Variants in SCHIP1 observed in about 807,000 individuals in gnomAD.
The protein encoded by SCHIP1 is schwannomin interacting protein 1.
A neutral mutation model predicts 29.7 loss-of-function variants in SCHIP1; 8 were observed. The ratio of observed to expected loss-of-function variants is 0.27; its 90% CI spans 0.16 to 0.49. The LOEUF (loss-of-function observed/expected upper bound fraction) is 0.49, where lower values mean the gene tolerates loss of function less well. Among genes scored for constraint, SCHIP1 ranks in the 20% least tolerant of loss-of-function variants. The pLI, the probability that SCHIP1 is intolerant of heterozygous loss-of-function variation, is 0.99. For missense variants in SCHIP1, 193 were observed against 294.6 expected (o/e 0.66, Z 2.52); for synonymous variants, 76 against 94.9 (o/e 0.80, Z 1.16).
chr3:159,739,547 G>A, the SCHIP1 span, among the ~76,000 whole-genome samples: 1 of 152,136 alleles, frequency 6.6e-6, no homozygotes, highest in African/African-American at 2.4e-5. Flanking sequence ...CTTTTTCCTT[G>A]AGAGATTTTT....
At chr3:159,711,868 G>T in the SCHIP1 span, among the ~76,000 whole-genome samples, 1 of 152,200 alleles carries the variant, frequency 6.6e-6, no homozygotes, top group Admixed American at 6.5e-5. Context: ...CTCTGCCTGA[G>T]TCAGAGGACC....
the SCHIP1 span, among the ~76,000 whole-genome samples, chr3:159,714,426 C>T: frequency 8.5e-5 from 13 of 152,128 alleles, no homozygotes; most frequent in Admixed American, 2.6e-4. Context: ...GACCGTAAGC[C>T]GAAGCAGGGC....
At chr3:159,691,760 C>T in the SCHIP1 span, among the ~76,000 whole-genome samples, 1 of 152,152 alleles carries the variant, frequency 6.6e-6, no homozygotes, top group Non-Finnish European at 1.5e-5. Context: ...CACATATTTA[C>T]TGCTTCCTTC....
chr3:159,530,107 A>C, the SCHIP1 span, among the ~76,000 whole-genome samples: 5 of 152,172 alleles, frequency 3.3e-5, no homozygotes, highest in African/African-American at 1.2e-4. Context: ...CTTTTGAATA[A>C]ATACCCAGCA....
chr3:159,788,638 C>T, the SCHIP1 span, among the ~76,000 whole-genome samples: 1 of 152,152 alleles, frequency 6.6e-6, no homozygotes, highest in South Asian at 2.1e-4. Context: ...TTGGTGAGTT[C>T]ACCACACTTC....
chr3:159,283,179 G>C, the SCHIP1 span, among the ~76,000 whole-genome samples: 2 of 152,158 alleles, frequency 1.3e-5, no homozygotes, highest in Admixed American at 6.5e-5. Flanking sequence ...TTGAGACGGA[G>C]TCTCACTCTG....
the SCHIP1 span, among the ~76,000 whole-genome samples, chr3:159,462,256 T>A: frequency 6.6e-6 from 1 of 151,932 alleles, no homozygotes; most frequent in South Asian, 2.1e-4. Context: ...ATCTGAAATG[T>A]CACCACCAGA....
chr3:159,690,694 T>A, the SCHIP1 span, among the ~76,000 whole-genome samples: 4 of 152,254 alleles, frequency 2.6e-5, no homozygotes, highest in African/African-American at 7.2e-5. Context: ...TGTTAGGGTG[T>A]CAATTTTAGA....
the SCHIP1 span, among the ~76,000 whole-genome samples, chr3:159,591,496 T>C: frequency 1.5e-4 from 23 of 152,086 alleles, no homozygotes; most frequent in African/African-American, 5.6e-4. Context: ...CTATTTACAA[T>C]AGAAAAGACA....
the SCHIP1 span, among the ~76,000 whole-genome samples, chr3:159,483,724 A>G: frequency 1.3e-5 from 2 of 152,202 alleles, no homozygotes; most frequent in African/African-American, 4.8e-5. Flanking sequence ...TTTCTGTATC[A>G]ATAACAGCCT....
the SCHIP1 span, among the ~76,000 whole-genome samples, chr3:159,460,479 T>C: frequency 1.3e-5 from 2 of 152,092 alleles, no homozygotes; most frequent in East Asian, 3.9e-4. Flanking sequence ...GGAGAATAAG[T>C]AGGTGTTCTG....
chr3:159,723,255 A>T, the SCHIP1 span, among the ~76,000 whole-genome samples: 1 of 152,246 alleles, frequency 6.6e-6, no homozygotes, highest in Non-Finnish European at 1.5e-5. Context: ...TGGTTTCATA[A>T]AGATAAGAAA....
chr3:159,426,289 A>G, the SCHIP1 span, among the ~76,000 whole-genome samples: 729 of 152,358 alleles, frequency 4.8e-3, 3 homozygotes, highest in Non-Finnish European at 8.3e-3. Context: ...ACCAGTAGCA[A>G]GACTAATAAA....
At chr3:159,411,018 C>T in the SCHIP1 span, among the ~76,000 whole-genome samples, 48,656 of 151,848 alleles carry the variant, frequency 0.32, 9,824 homozygotes, top group Non-Finnish European at 0.46. Flanking sequence ...TGAAATAAGC[C>T]GGGCACTGAA....
the SCHIP1 span, among the ~76,000 whole-genome samples, chr3:159,453,103 C>A: frequency 6.6e-6 from 1 of 152,330 alleles, no homozygotes; most frequent in South Asian, 2.1e-4. Flanking sequence ...CTGCTCTCAT[C>A]TTTTGCTACT....
chr3:159,520,825 T>C, the SCHIP1 span, among the ~76,000 whole-genome samples: 1 of 152,238 alleles, frequency 6.6e-6, no homozygotes, highest in Non-Finnish European at 1.5e-5. Context: ...TTACAGAAAT[T>C]ATTACATCAT....
intron 2 of SCHIP1, among the ~76,000 whole-genome samples, chr3:159,873,226 G>C (rs1021643546): frequency 6.6e-6 from 1 of 152,208 alleles, no homozygotes. Flanking sequence ...AAAATTAATT[G>C]ACCAAGCAGT....
chr3:159,650,408 G>A, the SCHIP1 span, among the ~76,000 whole-genome samples: 879 of 152,194 alleles, frequency 5.8e-3, 5 homozygotes, highest in Middle Eastern at 0.017. Context: ...TAGAAGTTAC[G>A]TATTCACAAA....
the SCHIP1 span, among the ~76,000 whole-genome samples, chr3:159,455,199 A>AT: frequency 1.9e-3 from 285 of 152,236 alleles, 1 homozygote; most frequent in East Asian, 0.025. Context: ...GCTGGGATGC[A>AT]TTTTTTACCT....
Sources: allele counts gnomAD v4.1 joint callset (sites outside exome capture counted in the v4.1 genomes callset), GRCh38; gene constraint gnomAD v4.1.1; transcripts MANE v1.5; gene names NCBI Gene and HGNC (gene_info 2026-07-23, HGNC 2026-07-21).